The following SPATA9 variants were observed in gnomAD, a reference collection of about 807,000 sequenced individuals.
SPATA9 encodes spermatogenesis associated 9.
A neutral mutation model predicts 25.5 loss-of-function variants in SPATA9; 27 were observed. The ratio of observed to expected loss-of-function variants is 1.06; its 90% CI spans 0.78 to 1.46. The LOEUF (loss-of-function observed/expected upper bound fraction) is 1.46, where lower values mean the gene tolerates loss of function less well. Among genes scored for constraint, SPATA9 ranks in the 40% most tolerant of loss-of-function variants. The probability of loss-of-function intolerance (pLI) is 0.00; values close to 1 mark genes in which losing one functional copy is unlikely to be tolerated. For missense variants in SPATA9, 282 were observed against 297.5 expected, an observed-to-expected ratio of 0.95 and a Z score of 0.38; for synonymous variants, 102 against 105.7, an observed-to-expected ratio of 0.97 and a Z score of 0.21.
chr5:95,693,742 T>C (rs1326601565), intron 1 of SPATA9, among the ~76,000 whole-genome samples: 1 of 152,254 alleles, frequency 6.6e-6, no homozygotes, highest in Non-Finnish European at 1.5e-5. Flanking sequence ...GTTATAAATA[T>C]ATTTTAAATT....
At chr5:95,728,801 A>G in the SPATA9 span, among the ~76,000 whole-genome samples, 4 of 152,334 alleles carry the variant, frequency 2.6e-5, no homozygotes, top group East Asian at 7.7e-4. Context: ...GATACAGGTC[A>G]CAAAGACCTT....
chr5:95,721,344 A>G, the SPATA9 span, among the ~76,000 whole-genome samples: 2,203 of 152,286 alleles, frequency 0.014, 51 homozygotes, highest in African/African-American at 0.051. Context: ...ATGTAGATGG[A>G]GAGTGTCCTT....
At chr5:95,677,853 A>G (rs1489676283) in intron 2 of SPATA9, among the ~76,000 whole-genome samples, 2 of 152,218 alleles carry the variant, frequency 1.3e-5, no homozygotes, top group Admixed American at 6.5e-5. Context: ...TTATTCCAAG[A>G]ATGAGCATCT....
At chr5:95,653,176 C>G in exon 9 of SPATA9, 1 of 1,551,710 alleles carries the variant, frequency 6.4e-7, no homozygotes, top group Non-Finnish European at 8.7e-7. Context: ...TTGGGCATTT[C>G]AGCTCAGCTG....
At chr5:95,652,902 G>T, downstream of SPATA9, 1 of 588,064 alleles carries the variant, frequency 1.7e-6, no homozygotes, top group Non-Finnish European at 2.8e-6. Context: ...TCTCCACAGA[G>T]CCGGGAGCAT....
At chr5:95,688,232 A>G (rs996728499) in intron 1 of SPATA9, among the ~76,000 whole-genome samples, 1 of 152,176 alleles carries the variant, frequency 6.6e-6, no homozygotes, top group African/African-American at 2.4e-5. Flanking sequence ...ATTCAGCCAT[A>G]AAAAAGAATG....
At chr5:95,661,892 GAT>G (rs751881791) in intron 4 of SPATA9, among the ~76,000 whole-genome samples, 5 of 151,450 alleles carry the variant, frequency 3.3e-5, no homozygotes, top group Non-Finnish European at 7.4e-5. Flanking sequence ...TGTATGTTTT[GAT>G]ATATTAACAA....
chr5:95,700,779 A>C (rs1754164505), upstream of SPATA9, among the ~76,000 whole-genome samples: 1 of 152,214 alleles, frequency 6.6e-6, no homozygotes, highest in African/African-American at 2.4e-5. Flanking sequence ...CAGGAACTTG[A>C]CATTGCTATA....
At chr5:95,685,101 T>C (rs1753706683), upstream of SPATA9, among the ~76,000 whole-genome samples, 1 of 152,232 alleles carries the variant, frequency 6.6e-6, no homozygotes, top group African/African-American at 2.4e-5. Context: ...GGCTTTGCCG[T>C]GGGCAAATTA....
intron 2 of SPATA9, among the ~76,000 whole-genome samples, chr5:95,679,218 A>G (rs967641209): frequency 6.6e-6 from 1 of 152,180 alleles, no homozygotes; most frequent in African/African-American, 2.4e-5. Flanking sequence ...GAAAACGATA[A>G]CAAGGTTTTC....
chr5:95,671,237 T>G lies in SPATA9; in HGVS notation c.378+4175A>C, dbSNP rs1752338672. Among the ~76,000 whole-genome samples, 5 of 152,178 alleles carry G rather than the reference T, an allele frequency of 3.3e-5. No homozygotes were observed. In the South Asian group the frequency reaches 1.0e-3, roughly 31 times the overall value. On this transcript the variant is annotated intron_variant, in intron 3 of 4. Transcript: ENST00000274432. ...CTACATGGACCACTCTTTGGAATGC[T>G]ATGTCTCTTCTTGATGTTTCTGTAG...
chr5:95,663,037 T>C (rs1751415972), intron 4 of SPATA9, among the ~76,000 whole-genome samples: 1 of 152,200 alleles, frequency 6.6e-6, no homozygotes, highest in African/African-American at 2.4e-5. Flanking sequence ...ATGCATACCT[T>C]ATGGCCTAGC....
At chr5:95,691,130 G>A (rs913685848) in intron 1 of SPATA9, among the ~76,000 whole-genome samples, 32 of 151,858 alleles carry the variant, frequency 2.1e-4, no homozygotes, top group African/African-American at 6.8e-4. Flanking sequence ...GCAGGAGAAC[G>A]GCGTGAACCC....
chr5:95,664,392 A>C (rs570574220), intron 3 of SPATA9, among the ~76,000 whole-genome samples: 309 of 152,314 alleles, frequency 2.0e-3, no homozygotes, highest in African/African-American at 6.8e-3. Context: ...ATCATTCTTT[A>C]CTAATTATTC....
In SPATA9 at chr5:95,675,429, G is replaced by T. The variant is rs760280125; in HGVS notation, c.361C>A (p.Pro121Thr). 2 of 1,614,000 alleles carry T rather than the reference G, an allele frequency of 1.2e-6. No homozygotes were observed. The highest frequency in any genetic ancestry group is 1.7e-6 in the Non-Finnish European group (2 of 1,179,952). Residue 121 changes from proline (P) to threonine (T), a missense_variant, in exon 3 of 5, where the codon CCC becomes ACC. Physicochemically the swap from Pro to Thr is conservative, Grantham distance 38. Transcript: ENST00000274432. Reference protein sequence around the residue: ...LLREVNAPRQPLYNIQVRKGS... With the variant: ...LLREVNAPRQTLYNIQVRKGS... ...TCCCTTACCTGAATGTTATATAGGG[G>T]TTGCCTCGGCGCATTAACTTCCCTC...
intron 1 of SPATA9, among the ~76,000 whole-genome samples, chr5:95,688,108 C>T (rs1359689063): frequency 1.3e-5 from 2 of 152,148 alleles, no homozygotes; most frequent in Admixed American, 6.5e-5. Context: ...CAGAAAGATA[C>T]CTGCATTCTT....
chr5:95,706,051 C>T, the SPATA9 span, among the ~76,000 whole-genome samples: 1 of 152,156 alleles, frequency 6.6e-6, no homozygotes, highest in Non-Finnish European at 1.5e-5. Context: ...ATCCATGGAC[C>T]TCCTCCCACT....
chr5:95,673,816 C>G (rs1752646996), intron 3 of SPATA9, among the ~76,000 whole-genome samples: 1 of 150,866 alleles, frequency 6.6e-6, no homozygotes, highest in African/African-American at 2.4e-5. Context: ...GCAATCTTGA[C>G]TCACTACAAC....
downstream of SPATA9, chr5:95,656,058 C>T (rs750397884): frequency 8.2e-5 from 133 of 1,612,292 alleles, no homozygotes; most frequent in South Asian, 3.1e-4. Context: ...TTTTGATGGA[C>T]GACCGTGTAT....
Sources: gnomAD v4.1 joint callset for allele counts (sites outside exome capture counted in the v4.1 genomes callset) on GRCh38, gnomAD v4.1.1 for gene constraint, MANE v1.5 for transcripts, NCBI Gene and HGNC (gene_info 2026-07-23, HGNC 2026-07-21) for gene names.